Variants in CEP63 observed in about 807,000 individuals in gnomAD.
CEP63 encodes the protein centrosomal protein 63.
Under a neutral mutation model 89.1 loss-of-function variants are expected in CEP63, and 84 were observed. The ratio of observed to expected loss-of-function variants is 0.94; its 90% CI spans 0.79 to 1.13. The LOEUF is 1.13. Ranked by LOEUF, CEP63 falls within the 50% of genes most tolerant of loss-of-function variation. CEP63 has a pLI of 0.00. For synonymous variants in CEP63, 267 were observed against 272.5 expected (o/e 0.98, Z 0.20); for missense variants, 838 against 813.3 (o/e 1.03, Z -0.37).
chr3:134,549,992 G>T, intron 10 of CEP63, 71 bp from the exon 11 acceptor site: 1 of 1,042,054 alleles, frequency 9.6e-7, no homozygotes, highest in Non-Finnish European at 1.5e-6. Context: ...TATTTTATTA[G>T]CTAGTAACAT....
the CEP63 span, among the ~76,000 whole-genome samples, chr3:134,614,568 C>T: frequency 3.9e-5 from 6 of 151,954 alleles, 1 homozygote; most frequent in Non-Finnish European, 8.8e-5. Context: ...TGGGAAGAGA[C>T]TGAACAGAGG....
the CEP63 span, among the ~76,000 whole-genome samples, chr3:134,616,418 A>T: frequency 6.6e-6 from 1 of 152,248 alleles, no homozygotes; most frequent in African/African-American, 2.4e-5. Flanking sequence ...AGTGCGGATT[A>T]TATGTCCTCA....
At chr3:134,703,888 A>G in the CEP63 span, among the ~76,000 whole-genome samples, 1 of 152,220 alleles carries the variant, frequency 6.6e-6, no homozygotes, top group African/African-American at 2.4e-5. Context: ...AAAGGCTTCT[A>G]AATCCTACTT....
the CEP63 span, among the ~76,000 whole-genome samples, chr3:134,679,315 A>G: frequency 3.2e-4 from 48 of 152,310 alleles, 1 homozygote; most frequent in African/African-American, 1.1e-3. Context: ...CCCACGGCTC[A>G]TTTGGACCCA....
chr3:134,538,089 T>C (rs1951134951), intron 6 of CEP63, among the ~76,000 whole-genome samples: 2 of 152,116 alleles, frequency 1.3e-5, no homozygotes, highest in African/African-American at 2.4e-5. Flanking sequence ...CAGTGCTTCT[T>C]GTATGTGTTC....
the CEP63 span, among the ~76,000 whole-genome samples, chr3:134,767,877 C>G: frequency 6.0e-4 from 92 of 152,288 alleles, no homozygotes; most frequent in Non-Finnish European, 8.4e-4. Flanking sequence ...GCTATTCTAA[C>G]CTAGCTACAG....
chr3:134,753,967 A>G, the CEP63 span, among the ~76,000 whole-genome samples: 1 of 152,174 alleles, frequency 6.6e-6, no homozygotes, highest in South Asian at 2.1e-4. Flanking sequence ...GGTTCTATGC[A>G]TGTGTGTTGC....
At chr3:134,667,327 G>A in the CEP63 span, among the ~76,000 whole-genome samples, 15 of 152,158 alleles carry the variant, frequency 9.9e-5, no homozygotes, top group African/African-American at 3.6e-4. Context: ...TTACAGGAGA[G>A]GAAGGGTGGG....
chr3:134,613,978 A>G, the CEP63 span, among the ~76,000 whole-genome samples: 1 of 152,236 alleles, frequency 6.6e-6, no homozygotes, highest in African/African-American at 2.4e-5. Context: ...ACATGGCACC[A>G]TACAACGCAA....
chr3:134,550,130 T>C lies in CEP63; in HGVS notation c.1250T>C (p.Ile417Thr). ...SSALEGMKME[I>T]SHLTQELHQR... ...GCACTAGAAGGAATGAAGATGGAAA[T>C]CTCCCATCTAACTCAGGAGTTACAT... is the stretch of plus-strand genomic sequence containing the variant. Residue 417 changes from isoleucine to threonine, a missense_variant, in exon 11 of 15, where the codon ATC becomes ACC. Coordinates refer to ENST00000675561, the MANE Select transcript of CEP63 (RefSeq NM_001353108.3). 6.2e-7 allele frequency: 1 copy of C among 1,613,256 alleles called. No homozygotes were observed. Among genetic ancestry groups the C allele is most frequent in the Non-Finnish European group, 8.5e-7 (1 of 1,179,192 alleles).
chr3:134,760,119 C>T, the CEP63 span, among the ~76,000 whole-genome samples: 1 of 143,602 alleles, frequency 7.0e-6, no homozygotes, highest in African/African-American at 2.6e-5. Context: ...AGTGCAGTGG[C>T]GCGATCTCGG....
At chr3:134,643,230 T>C in the CEP63 span, 3 of 1,324,798 alleles carry the variant, frequency 2.3e-6, no homozygotes, top group Non-Finnish European at 3.2e-6. Context: ...TAGTCTGAGC[T>C]CCACATCCTG....
chr3:134,696,735 A>G, the CEP63 span, among the ~76,000 whole-genome samples: 1 of 152,128 alleles, frequency 6.6e-6, no homozygotes, highest in Admixed American at 6.5e-5. Flanking sequence ...TGTGTATAAT[A>G]TTGAGTATTC....
In CEP63 at chr3:134,581,679, A is replaced by ATTTTTTTTTTTTT. The variant is rs1231214008; in HGVS notation, c.1207-5777_1207-5765dup. Among the ~76,000 whole-genome samples the ATTTTTTTTTTTTT allele has an allele frequency of 2.2e-3, 267 of 124,164 alleles. 10 individuals are homozygous for ATTTTTTTTTTTTT. The highest frequency in any genetic ancestry group is 0.015 in the Middle Eastern group (3 of 200). The allele number at this position is 124,164 out of a possible 152,430, so 81.5% of individuals were successfully genotyped here. On this transcript the variant is annotated intron_variant, in intron 10 of 10. Coordinates refer to the CEP63 transcript ENST00000683931. ...CTCAATACACATTCATGATGAAAAC[A>ATTTTTTTTTTTTT]TTTTTTTTTTTTTTGAGACGGAGTC...
chr3:134,706,147 TC>T, the CEP63 span, among the ~76,000 whole-genome samples: 7 of 152,176 alleles, frequency 4.6e-5, no homozygotes, highest in Non-Finnish European at 8.8e-5. Context: ...TGATTAGAAG[TC>T]CCTTAACTTT....
At chr3:134,499,532 A>G (rs1284240954) in intron 2 of CEP63, among the ~76,000 whole-genome samples, 3 of 150,508 alleles carry the variant, frequency 2.0e-5, no homozygotes, top group Non-Finnish European at 4.4e-5. Flanking sequence ...GATCTTTGTT[A>G]TTTTTTTCCT....
the CEP63 span, among the ~76,000 whole-genome samples, chr3:134,752,428 G>A: frequency 1.3e-5 from 2 of 152,162 alleles, no homozygotes; most frequent in African/African-American, 2.4e-5. Context: ...GAAGCCCGAG[G>A]AGGATTGGCT....
At chr3:134,556,364 A>C (rs1034177477) in intron 12 of CEP63, among the ~76,000 whole-genome samples, 1 of 152,022 alleles carries the variant, frequency 6.6e-6, no homozygotes, top group African/African-American at 2.4e-5. Flanking sequence ...AAAATTTTCG[A>C]AAGGATTTAT....
At chr3:134,509,467 C>T (rs1944321797) in intron 3 of CEP63, among the ~76,000 whole-genome samples, 2 of 152,308 alleles carry the variant, frequency 1.3e-5, no homozygotes, top group South Asian at 2.1e-4. Flanking sequence ...AACCATATCA[C>T]TTGTCAACAA....
Sources: gnomAD v4.1 joint callset for allele counts (sites outside exome capture counted in the v4.1 genomes callset) on GRCh38, gnomAD v4.1.1 for gene constraint, MANE v1.5 for transcripts, NCBI Gene and HGNC (gene_info 2026-07-23, HGNC 2026-07-21) for gene names.